SHTN1: variants seen among roughly 807,000 people sequenced by gnomAD.
The protein encoded by SHTN1 is shootin-1.
Under a neutral mutation model 83.1 loss-of-function variants are expected in SHTN1, and 42 were observed. That is an observed-to-expected ratio of 0.51 (90% CI 0.39 to 0.65). The LOEUF (loss-of-function observed/expected upper bound fraction) is 0.65. SHTN1 is among the 30% of genes least tolerant of loss of function. The pLI is 0.00. For missense variants in SHTN1, 622 were observed against 737.8 expected (o/e 0.84, Z 1.82); for synonymous variants, 224 against 247.7 (o/e 0.90, Z 0.90).
At chr10:117,079,079 C>T (rs1457079520) in intron 1 of SHTN1, among the ~76,000 whole-genome samples, 6 of 151,690 alleles carry the variant, frequency 4.0e-5, no homozygotes, top group Non-Finnish European at 7.4e-5. Flanking sequence ...TACATGTGCA[C>T]ATTGTGCAGG....
At chr10:116,994,479 TG>T (rs774240861) in intron 1 of SHTN1, among the ~76,000 whole-genome samples, 14 of 152,090 alleles carry the variant, frequency 9.2e-5, no homozygotes, top group Non-Finnish European at 2.1e-4. Context: ...AAAAGATTTT[TG>T]TTCACCTTTT....
At chr10:117,047,033 A>T (rs1045605927) in intron 2 of SHTN1, among the ~76,000 whole-genome samples, 1 of 152,100 alleles carries the variant, frequency 6.6e-6, no homozygotes, top group African/African-American at 2.4e-5. Flanking sequence ...AAAACAAAAG[A>T]GTGAATTTAT....
chr10:117,009,538 C>G (rs1337858838), upstream of SHTN1, among the ~76,000 whole-genome samples: 1 of 151,874 alleles, frequency 6.6e-6, no homozygotes, highest in African/African-American at 2.4e-5. Context: ...GACTTTAAGT[C>G]AAAAACTGTT....
intron 5 of SHTN1, 147 bp downstream of exon 5, chr10:116,953,895 C>G (rs961502244): frequency 1.7e-6 from 1 of 599,940 alleles, no homozygotes; most frequent in Non-Finnish European, 2.6e-6. Flanking sequence ...TCCCAAAGTG[C>G]TAGGATTACA....
At chr10:117,009,569 T>C (rs908441372), upstream of SHTN1, among the ~76,000 whole-genome samples, 4 of 152,044 alleles carry the variant, frequency 2.6e-5, no homozygotes. Flanking sequence ...AAAGTCTATA[T>C]TCACAAAAGG....
chr10:116,901,294 G>GTT (rs1847725431), intron 16 of SHTN1: 5 of 985,232 alleles, frequency 5.1e-6, no homozygotes, highest in Non-Finnish European at 4.8e-6. Flanking sequence ...TCTTTACATA[G>GTT]TATGTTTTCA....
chr10:116,915,514 T>C (rs1174758165), intron 12 of SHTN1, 30 bp from the exon 13 acceptor site: 3 of 1,283,462 alleles, frequency 2.3e-6, no homozygotes. Context: ...ATAAATCCTC[T>C]TATGTTACAA....
intron 2 of SHTN1, among the ~76,000 whole-genome samples, chr10:117,018,294 T>C (rs906989584): frequency 1.6e-4 from 25 of 152,164 alleles, no homozygotes; most frequent in Non-Finnish European, 3.4e-4. Context: ...AGCTTTTCTG[T>C]AAATCTAAAA....
At chr10:116,920,889 A>G (rs1256072239) in intron 12 of SHTN1, among the ~76,000 whole-genome samples, 1 of 152,112 alleles carries the variant, frequency 6.6e-6, no homozygotes, top group Non-Finnish European at 1.5e-5. Context: ...CAATGTTCTA[A>G]AGGCACAACT....
At position 117,077,626 on chromosome 10, in the gene SHTN1, C is replaced by T. The variant is rs184330751; in HGVS notation, c.-188-29116G>A. 5.3e-4 allele frequency among the ~76,000 whole-genome samples: 80 copies of T among 152,164 alleles called. 1 individual carries two copies. The highest frequency in any genetic ancestry group is 1.3e-3 in the African/African-American group (53 of 41,512). On this transcript the variant is annotated intron_variant, in intron 1 of 17. Coordinates refer to the SHTN1 transcript ENST00000392901. Reference sequence around the variant, plus strand: ...TATATCTCCTAATGCTATCTCTCCCCGCTCCCCCCACCCCACAACAGGCCC... The same window carrying T: ...TATATCTCCTAATGCTATCTCTCCCTGCTCCCCCCACCCCACAACAGGCCC...
chr10:117,107,413 C>T lies in SHTN1; in HGVS notation c.-189+18894G>A, dbSNP rs73385250. 4.5e-3 allele frequency among the ~76,000 whole-genome samples: 679 copies of T among 152,210 alleles called. 5 individuals carry two copies. The highest frequency in any genetic ancestry group is 0.016 in the African/African-American group (653 of 41,534). On this transcript the variant is annotated intron_variant, in intron 1 of 17. Transcript: ENST00000392901. Reference sequence around the variant, plus strand: ...CCCTGAAGCCACAAAGCTTCACTCACATACTCCGTTCCGCAATAGGACCCA... The same window carrying T: ...CCCTGAAGCCACAAAGCTTCACTCATATACTCCGTTCCGCAATAGGACCCA...
upstream of SHTN1, among the ~76,000 whole-genome samples, chr10:117,006,923 G>A (rs1451705493): frequency 6.6e-6 from 1 of 151,766 alleles, no homozygotes; most frequent in Admixed American, 6.6e-5. Flanking sequence ...AAAAAAAAAT[G>A]GTAGCACTGC....
At chr10:116,953,876 G>A (rs1375313466) in intron 5 of SHTN1, among the ~76,000 whole-genome samples, 166 bp downstream of exon 5, 9 of 151,920 alleles carry the variant, frequency 5.9e-5, no homozygotes, top group South Asian at 2.1e-4. Context: ...TGATCCACCC[G>A]CCTTGGCCTC....
intron 1 of SHTN1, among the ~76,000 whole-genome samples, chr10:117,084,899 G>A (rs957578233): frequency 1.3e-5 from 2 of 152,058 alleles, no homozygotes; most frequent in Admixed American, 1.3e-4. Flanking sequence ...TTCGGCTCGC[G>A]CACGGTGCGC....
intron 1 of SHTN1, among the ~76,000 whole-genome samples, chr10:117,121,199 T>C (rs941056595): frequency 3.9e-5 from 6 of 152,200 alleles, no homozygotes; most frequent in African/African-American, 1.2e-4. Context: ...AAAAAAGATA[T>C]TATGAAGATC....
In SHTN1 at chr10:116,899,695, T is replaced by C. The variant is rs534574231; in HGVS notation, c.1673+2070A>G. Among the ~76,000 whole-genome samples the C allele has an allele frequency of 5.3e-5, 8 of 152,260 alleles. No homozygotes were observed. In the East Asian group the frequency reaches 9.7e-4, roughly 18 times the overall value. ...AACGGTGGTGTTGCCACAGACAAAATAGAAGTGTTAACTACTAGAATGCAA... is the reference window on the plus strand; with the variant it reads ...AACGGTGGTGTTGCCACAGACAAAACAGAAGTGTTAACTACTAGAATGCAA... On this transcript the variant is annotated intron_variant, in intron 16 of 16. Transcript: ENST00000355371.
At chr10:117,030,164 G>A (rs1852392119) in intron 2 of SHTN1, among the ~76,000 whole-genome samples, 1 of 152,120 alleles carries the variant, frequency 6.6e-6, no homozygotes, top group East Asian at 1.9e-4. Flanking sequence ...TGGGATTACA[G>A]GCATAAGCCA....
intron 15 of SHTN1, 47 bp downstream of exon 15, chr10:116,906,580 G>A (rs1847979806): frequency 6.5e-7 from 1 of 1,535,780 alleles, no homozygotes; most frequent in African/African-American, 1.4e-5. Context: ...AGAAGAAGAT[G>A]TTTCAGAGAT....
intron 1 of SHTN1, among the ~76,000 whole-genome samples, chr10:117,052,224 A>G (rs1852755704): frequency 6.6e-6 from 1 of 151,732 alleles, no homozygotes; most frequent in African/African-American, 2.4e-5. Flanking sequence ...TTACCCAAGG[A>G]GATGTAAGAT....
Sources: allele counts gnomAD v4.1 joint callset (sites outside exome capture counted in the v4.1 genomes callset), GRCh38; gene constraint gnomAD v4.1.1; transcripts MANE v1.5; gene names NCBI Gene and HGNC (gene_info 2026-07-23, HGNC 2026-07-21).